The following CACNA2D2 variants were observed in gnomAD, a reference collection of about 807,000 sequenced individuals.
The protein encoded by CACNA2D2 is voltage-dependent calcium channel subunit alpha-2/delta-2.
Under a neutral mutation model 166.4 loss-of-function variants are expected in CACNA2D2, and 48 were observed. The observed-to-expected ratio is 0.29, with a 90% confidence interval of 0.23 to 0.37. The LOEUF is 0.37. CACNA2D2 is among the 10% of genes least tolerant of loss of function. CACNA2D2 has a pLI of 1.00. For synonymous variants in CACNA2D2, 561 were observed against 573.7 expected (o/e 0.98, Z 0.32); for missense variants, 1,122 against 1,433.0 (o/e 0.78, Z 3.50).
At chr3:50,441,513 G>C (rs1708598688) in intron 2 of CACNA2D2, among the ~76,000 whole-genome samples, 2 of 152,202 alleles carry the variant, frequency 1.3e-5, no homozygotes, top group African/African-American at 4.8e-5. Context: ...AATCCTCCCA[G>C]CCAAGCAAGG....
chr3:50,403,035 C>T (rs1026810303), intron 3 of CACNA2D2, among the ~76,000 whole-genome samples: 1 of 152,190 alleles, frequency 6.6e-6, no homozygotes, highest in Non-Finnish European at 1.5e-5. Context: ...TGACAGTGCC[C>T]TCCTCCCTTG....
chr3:50,426,740 C>A (rs562283391), intron 3 of CACNA2D2, among the ~76,000 whole-genome samples: 15 of 152,260 alleles, frequency 9.9e-5, no homozygotes, highest in South Asian at 4.1e-4. Flanking sequence ...AGGGCCTGCT[C>A]CACGGAGCAG....
chr3:50,489,492 G>A (rs1349661658), intron 1 of CACNA2D2, among the ~76,000 whole-genome samples: 4 of 152,224 alleles, frequency 2.6e-5, no homozygotes, highest in African/African-American at 9.7e-5. Flanking sequence ...CAGACAGGCA[G>A]GGCCATAGTC....
intron 2 of CACNA2D2, among the ~76,000 whole-genome samples, chr3:50,455,625 C>T (rs995316930): frequency 2.0e-5 from 3 of 152,148 alleles, no homozygotes; most frequent in Non-Finnish European, 2.9e-5. Context: ...CAGGGCCACA[C>T]GGCTCAGGGA....
intron 2 of CACNA2D2, among the ~76,000 whole-genome samples, chr3:50,440,871 G>A (rs1270461666): frequency 6.6e-6 from 1 of 152,134 alleles, no homozygotes; most frequent in Non-Finnish European, 1.5e-5. Context: ...CTCCAGGGTG[G>A]TAGGGGGCAA....
intron 23 of CACNA2D2, among the ~76,000 whole-genome samples, chr3:50,369,700 T>C (rs1704547361): frequency 6.6e-6 from 1 of 152,192 alleles, no homozygotes; most frequent in Non-Finnish European, 1.5e-5. Context: ...GCAGACGGTG[T>C]GTACATGAGA....
chr3:50,383,066 G>T (rs587631838), intron 6 of CACNA2D2, among the ~76,000 whole-genome samples: 1 of 152,254 alleles, frequency 6.6e-6, no homozygotes, highest in Non-Finnish European at 1.5e-5. Context: ...TTAATTAAAA[G>T]TGACACAGTA....
intron 3 of CACNA2D2, among the ~76,000 whole-genome samples, chr3:50,403,677 A>C (rs1171719775): frequency 6.6e-6 from 1 of 152,060 alleles, no homozygotes; most frequent in Non-Finnish European, 1.5e-5. Flanking sequence ...TCCCTTCCTA[A>C]CATTATCCTT....
intron 2 of CACNA2D2, among the ~76,000 whole-genome samples, chr3:50,448,155 C>A (rs1708939576): frequency 6.6e-6 from 1 of 152,198 alleles, no homozygotes. Context: ...CTCCCTGGCA[C>A]AGGGCAGGCA....
At chr3:50,369,871 G>A (rs776665384) in intron 23 of CACNA2D2, among the ~76,000 whole-genome samples, 12 of 152,184 alleles carry the variant, frequency 7.9e-5, no homozygotes, top group Non-Finnish European at 1.6e-4. Flanking sequence ...CTGCCGACAG[G>A]GGCTCTGGCT....
rs184068298 is a variant in CACNA2D2, at chr3:50,429,924, C to G, written c.405+4389G>C. Among the ~76,000 whole-genome samples, 411 of 152,154 alleles carry G rather than the reference C, an allele frequency of 2.7e-3. 1 individual carries two copies. The highest frequency in any genetic ancestry group is 4.9e-3 in the Non-Finnish European group (331 of 68,018). ...AAGCTGGGTGCCATAATTTTAGAAG[C>G]TCCTTAGACAATTCCAATGTGCAAC... On this transcript the variant is annotated intron_variant, in intron 3 of 37. Coordinates refer to ENST00000424201, the MANE Select transcript of CACNA2D2 (RefSeq NM_006030.4).
rs573842348 is a variant in CACNA2D2, at chr3:50,472,621, C to T, written c.288+3497G>A. ...TCATCATGTCTGACTATAATCTCTC[C>T]TGCTTTGCCTTCCCACCAGGTTCCC... On this transcript the variant is annotated intron_variant, in intron 2 of 37. Coordinates refer to ENST00000424201, the MANE Select transcript of CACNA2D2 (RefSeq NM_006030.4). Among the ~76,000 whole-genome samples, 3 of 152,322 alleles carry T rather than the reference C, an allele frequency of 2.0e-5. No homozygotes were observed. The South Asian group carries it at 6.2e-4, about 32-fold the overall frequency.
chr3:50,389,166 G>A (rs1222637583), intron 4 of CACNA2D2, among the ~76,000 whole-genome samples: 1 of 152,224 alleles, frequency 6.6e-6, no homozygotes, highest in Admixed American at 6.5e-5. Flanking sequence ...TGGGGCGGGG[G>A]CGGAGGCCGG....
chr3:50,389,655 G>A (rs1479064775), intron 4 of CACNA2D2, among the ~76,000 whole-genome samples: 1 of 152,230 alleles, frequency 6.6e-6, no homozygotes, highest in African/African-American at 2.4e-5. Context: ...TGCTCCAGGG[G>A]CTCTGCTTCT....
rs1036190227 is a variant in CACNA2D2, at chr3:50,378,832, C to T, written c.1339+83G>A. The T allele has an allele frequency of 2.6e-6, 4 of 1,516,112 alleles. No individual in the cohort carries two copies. In the African/African-American group the frequency reaches 5.5e-5, roughly 21 times the overall value. 93.9% of individuals were successfully genotyped at this position (1,516,112 alleles called of 1,614,324 possible). A position where few individuals can be genotyped will look rare whatever the true frequency, so the allele number is the denominator to read the frequency against. ...TGCAGCGGGTGAACACACAGCTGGA[C>T]ATATGGATGGCCAGTTGAACATACG... is the stretch of plus-strand genomic sequence containing the variant. On this transcript the variant is annotated intron_variant, in intron 13 of 37. Transcript: ENST00000424201.
rs1415793930 is a variant in CACNA2D2 at position 50,365,085 on chromosome 3, C to T, written c.3198G>A (p.Lys1066=). ...GCGGGGGCAGGATACAGTGCGTCTC[C>T]TTCTGCAGCAGCCGGCCAGCCTCGC... ...SQCEAGRLLQ[K]ETHSDGPEQC... The change falls in exon 36 of 38, where the codon AAG becomes AAA. Residue 1066 remains lysine (K), a synonymous_variant. Coordinates refer to ENST00000424201, the MANE Select transcript of CACNA2D2 (RefSeq NM_006030.4). The surrounding 1 kb of genome is among the most constrained non-coding windows in gnomAD (Gnocchi z 4.5). The T allele has an allele frequency of 6.2e-7, 1 of 1,611,466 alleles. No individual in the cohort carries two copies. Among genetic ancestry groups the T allele is most frequent in the Admixed American group, 1.7e-5 (1 of 59,968 alleles).
intron 1 of CACNA2D2, among the ~76,000 whole-genome samples, chr3:50,497,564 A>T (rs1289476625): frequency 6.6e-6 from 1 of 152,232 alleles, no homozygotes; most frequent in Non-Finnish European, 1.5e-5. Context: ...GAGCGGGACC[A>T]GGACCGGGGA....
intron 2 of CACNA2D2, among the ~76,000 whole-genome samples, chr3:50,460,951 G>A (rs1471756988): frequency 6.6e-6 from 1 of 151,942 alleles, no homozygotes; most frequent in African/African-American, 2.4e-5. Flanking sequence ...CTCACAGAAA[G>A]ACACAGAAAT....
intron 2 of CACNA2D2, among the ~76,000 whole-genome samples, chr3:50,460,317 T>G (rs1278188463): frequency 1.3e-5 from 2 of 152,192 alleles, no homozygotes; most frequent in African/African-American, 4.8e-5. Context: ...AGTTTTGATA[T>G]TTATACCACG....
Sources: allele counts gnomAD v4.1 joint callset (sites outside exome capture counted in the v4.1 genomes callset), GRCh38; gene constraint gnomAD v4.1.1; non-coding constraint Gnocchi (gnomAD v3.1); transcripts MANE v1.5; gene names NCBI Gene and HGNC (gene_info 2026-07-23, HGNC 2026-07-21).